SLC1A5: variants seen among roughly 807,000 people sequenced by gnomAD.
SLC1A5 encodes neutral amino acid transporter B(0).
A neutral mutation model predicts 34.9 loss-of-function variants in SLC1A5; 25 were observed. The ratio of observed to expected loss-of-function variants is 0.72; its 90% CI spans 0.52 to 1.00. SLC1A5 has a LOEUF of 1.00. Among genes scored for constraint, SLC1A5 ranks in the 50% least tolerant of loss-of-function variants. SLC1A5 has a pLI of 0.00. For missense variants in SLC1A5, 637 were observed against 740.0 expected, an observed-to-expected ratio of 0.86 and a Z score of 1.61; for synonymous variants, 351 against 341.2, an observed-to-expected ratio of 1.03 and a Z score of -0.32.
intron 7 of SLC1A5, chr19:46,776,528 T>G (rs1031502751): frequency 6.3e-6 from 1 of 159,922 alleles, no homozygotes; most frequent in Non-Finnish European, 1.4e-5. Flanking sequence ...CTTTATACTC[T>G]TAATAGCTTA....
intron 7 of SLC1A5, chr19:46,776,598 G>T (rs1473044033): frequency 5.2e-6 from 1 of 192,188 alleles, no homozygotes; most frequent in African/African-American, 2.3e-5. Context: ...TCTAAGGGAG[G>T]TGTGTCTGTT....
rs1277064382 is a variant in SLC1A5 at position 46,776,955 on chromosome 19, G to C, written c.1388+20C>G. 13 of 1,610,104 alleles carry C rather than the reference G, an allele frequency of 8.1e-6. No individual in the cohort carries two copies. Among genetic ancestry groups the C allele is most frequent in the Non-Finnish European group, 1.1e-5 (13 of 1,177,888 alleles). On this transcript the variant is annotated intron_variant, in intron 7 of 7. Transcript: ENST00000542575. ...CAGGGGTACCCCTGGCCCTGCCCCAGTCTCCAGACCCACACTCACACTAGC... is the reference window on the plus strand; with the variant it reads ...CAGGGGTACCCCTGGCCCTGCCCCACTCTCCAGACCCACACTCACACTAGC...
chr19:46,782,346 A>ACCCCCCCCCCCCCCCCCCCCCCCCCCCC, intron 4 of SLC1A5, 37 bp downstream of exon 4: 4 of 567,974 alleles, frequency 7.0e-6, no homozygotes, highest in South Asian at 5.3e-5. Context: ...CGACCCTCCA[A>ACCCCCCCCCCCCCCCCCCCCCCCCCCCC]CCCCACCCAC....
chr19:46,779,812 C>T (rs995499509), intron 4 of SLC1A5, among the ~76,000 whole-genome samples: 10 of 151,740 alleles, frequency 6.6e-5, no homozygotes, highest in African/African-American at 2.2e-4. Flanking sequence ...GCAGACAGAT[C>T]GCTTGAGCCC....
intron 1 of SLC1A5, among the ~76,000 whole-genome samples, chr19:46,786,277 G>A (rs183348736): frequency 1.3e-5 from 2 of 152,276 alleles, no homozygotes; most frequent in African/African-American, 2.4e-5. Context: ...GAGTGTCTGC[G>A]TGAATGTGTC....
At chr19:46,782,342 T>TGCCCCCCCCCCCCCCCCCCC in intron 4 of SLC1A5, 41 bp downstream of exon 4, 1 of 523,372 alleles carries the variant, frequency 1.9e-6, no homozygotes, top group Non-Finnish European at 3.5e-6. Flanking sequence ...AGACCGACCC[T>TGCCCCCCCCCCCCCCCCCCC]CCAACCCCAC....
intron 7 of SLC1A5, 129 bp downstream of exon 7, chr19:46,776,846 C>T: frequency 9.6e-7 from 1 of 1,042,900 alleles, no homozygotes; most frequent in East Asian, 2.4e-5. Flanking sequence ...CAAGGTTCCC[C>T]CCATTTCCTC....
At chr19:46,776,142 G>A (rs2055086735) in intron 7 of SLC1A5, among the ~76,000 whole-genome samples, 1 of 151,352 alleles carries the variant, frequency 6.6e-6, no homozygotes, top group African/African-American at 2.4e-5. Flanking sequence ...TGTCCATCTT[G>A]GTATTTTTTA....
In SLC1A5 at chr19:46,777,067, AG is replaced by A. The variant is rs757547226; in HGVS notation, c.1295del (p.Pro432LeufsTer24). ...TASSVGAAGI[P>X]AGGVLTLAII... ...TGGCCAGAGTGAGGACACCTCCAGC[AG>A]GGATGCCCGCTGCCCCCACGCTGGA... On this transcript the variant is annotated frameshift_variant, in exon 7 of 8. Transcript: ENST00000542575. LOFTEE classifies it high-confidence loss of function. 3 of 1,614,048 alleles carry A rather than the reference AG, an allele frequency of 1.9e-6. No homozygotes were observed. Among genetic ancestry groups the A allele is most frequent in the South Asian group, 2.2e-5 (2 of 91,076 alleles).
intron 5 of SLC1A5, 86 bp downstream of exon 5, chr19:46,778,589 A>T: frequency 1.1e-6 from 1 of 931,618 alleles, no homozygotes; most frequent in Non-Finnish European, 1.7e-6. Flanking sequence ...GTACCCAGAT[A>T]CAATGTCCCG....
chr19:46,787,235 TCA>T lies in SLC1A5; in HGVS notation c.566+163_566+164del. 1 of 1,435,218 alleles carries T rather than the reference TCA, an allele frequency of 7.0e-7. No homozygotes were observed. Among genetic ancestry groups the T allele is most frequent in the Non-Finnish European group, 9.1e-7 (1 of 1,095,962 alleles). 88.9% of individuals were successfully genotyped at this position (1,435,218 alleles called of 1,614,324 possible). On this transcript the variant is annotated intron_variant, in intron 1 of 7. Coordinates refer to ENST00000542575, the MANE Select transcript of SLC1A5 (RefSeq NM_005628.3). This position sits in a 1 kb window ranked among gnomAD's most constrained non-coding sequence, Gnocchi z 5.2. ...AAACCCCTTCCCCAGGAGACTAGAC[TCA>T]CACTCCCGAGGGCTGGAGCCTCCCC...
chr19:46,776,905 ACT>A, intron 7 of SLC1A5, 68 bp downstream of exon 7: 1 of 1,479,696 alleles, frequency 6.8e-7, no homozygotes. Flanking sequence ...GGCTCTAAGG[ACT>A]CTCACTCACT....
Position 46,788,049 on chromosome 19 carries a change from C to T in SLC1A5, c.-84G>A. ...TTCCCAGGACCCGACGTTCCTAGGA[C>T]TGAGTTGAGTAACAGCACCTGGAGA... On this transcript the variant is annotated 5_prime_UTR_variant, in exon 1 of 8. Coordinates refer to ENST00000542575, the MANE Select transcript of SLC1A5 (RefSeq NM_005628.3). 7.6e-7 allele frequency: 1 copy of T among 1,311,726 alleles called. No individual in the cohort carries two copies. Among genetic ancestry groups the T allele is most frequent in the South Asian group, 1.5e-5 (1 of 65,066 alleles). The allele number at this position is 1,311,726 out of a possible 1,614,324, so 81.3% of individuals were successfully genotyped here. A position where few individuals can be genotyped will look rare whatever the true frequency, so the allele number is the denominator to read the frequency against.
At chr19:46,782,920 G>A (rs2055158485) in intron 3 of SLC1A5, among the ~76,000 whole-genome samples, 1 of 152,174 alleles carries the variant, frequency 6.6e-6, no homozygotes, top group Non-Finnish European at 1.5e-5. Context: ...GAAGCAGAAT[G>A]TGCAACAGCC....
Position 46,787,646 on chromosome 19 carries a change from A to T in SLC1A5, c.320T>A (p.Leu107Gln). 6.3e-7 allele frequency: 1 copy of T among 1,586,596 alleles called. No individual in the cohort carries two copies. Among genetic ancestry groups the T allele is most frequent in the Non-Finnish European group, 8.5e-7 (1 of 1,169,916 alleles). Residue 107 changes from leucine (L) to glutamine (Q), a missense_variant, in exon 1 of 8, where the codon CTG (leucine) becomes CAG (glutamine). Leu to Gln is a moderately radical substitution (Grantham distance 113). Coordinates refer to ENST00000542575, the MANE Select transcript of SLC1A5 (RefSeq NM_005628.3). The surrounding 1 kb of genome is among the most constrained non-coding windows in gnomAD (Gnocchi z 5.2). ...LRLLRMIILP[L>Q]VVCSLIGGAA... ...GCCGCCGATCAAGCTGCACACCACC[A>T]GCGGCAAGATGATCATCCGCAGCAG... is the stretch of plus-strand genomic sequence containing the variant.
chr19:46,778,104 GA>G (rs2055111430), intron 5 of SLC1A5, among the ~76,000 whole-genome samples: 1 of 152,168 alleles, frequency 6.6e-6, no homozygotes, highest in Admixed American at 6.6e-5. Flanking sequence ...AGAGACGGTG[GA>G]AGGAGTTCTG....
At position 46,787,747 on chromosome 19, in the gene SLC1A5, C is replaced by T. The variant is rs781766341; in HGVS notation, c.219G>A (p.Ser73=). ...CCAACGCCAGCGCACCCCCGGCCCCCGACACCCCCAGTCCCAGCGCCACGC... is the reference window on the plus strand; with the variant it reads ...CCAACGCCAGCGCACCCCCGGCCCCTGACACCCCCAGTCCCAGCGCCACGC... ...VAGVALGLGV[S]GAGGALALGP... The change falls in exon 1 of 8, where the codon TCG becomes TCA. Residue 73 remains serine, a synonymous_variant. Coordinates refer to ENST00000542575, the MANE Select transcript of SLC1A5 (RefSeq NM_005628.3). This position sits in a 1 kb window ranked among gnomAD's most constrained non-coding sequence, Gnocchi z 5.2. The T allele has an allele frequency of 3.9e-6, 6 of 1,554,044 alleles. No individual in the cohort carries two copies. In the Admixed American group the frequency reaches 1.1e-4, roughly 30 times the overall value.
chr19:46,777,456 G>T, intron 5 of SLC1A5, 51 bp from the exon 6 acceptor site: 2 of 1,520,886 alleles, frequency 1.3e-6, no homozygotes, highest in Non-Finnish European at 1.8e-6. Flanking sequence ...CCGGGGCTCC[G>T]CCCACCCTCC....
intron 3 of SLC1A5, among the ~76,000 whole-genome samples, chr19:46,783,284 A>T (rs1396034046): frequency 6.6e-6 from 1 of 151,836 alleles, no homozygotes; most frequent in Non-Finnish European, 1.5e-5. Flanking sequence ...ACCAACATGG[A>T]GAAACCCCAT....
Sources: allele counts gnomAD v4.1 joint callset (sites outside exome capture counted in the v4.1 genomes callset), GRCh38; gene constraint gnomAD v4.1.1; non-coding constraint Gnocchi (gnomAD v3.1); transcripts MANE v1.5; gene names NCBI Gene and HGNC (gene_info 2026-07-23, HGNC 2026-07-21).